The following NCKAP5 variants were observed in gnomAD, a reference collection of about 807,000 sequenced individuals.
The protein encoded by NCKAP5 is NCK associated protein 5, also known as nck-associated protein 5.
A neutral mutation model predicts 167.0 loss-of-function variants in NCKAP5; 92 were observed. The observed-to-expected ratio is 0.55, with a 90% CI of 0.47 to 0.66. The LOEUF (loss-of-function observed/expected upper bound fraction) is 0.66. Ranked by LOEUF, NCKAP5 falls within the 30% of genes least tolerant of loss-of-function variation. NCKAP5 has a pLI of 0.00. For synonymous variants in NCKAP5, 891 were observed against 877.4 expected, an observed-to-expected ratio of 1.02 and a Z score of -0.27; for missense variants, 2,378 against 2,315.0, an observed-to-expected ratio of 1.03 and a Z score of -0.56.
intron 6 of NCKAP5, among the ~76,000 whole-genome samples, chr2:133,073,981 C>T (rs2080510282): frequency 6.6e-6 from 1 of 152,164 alleles, no homozygotes; most frequent in Admixed American, 6.5e-5. Flanking sequence ...CCAATGAGAG[C>T]TCATGAGCTT....
At chr2:132,877,490 G>T (rs915002417) in intron 9 of NCKAP5, among the ~76,000 whole-genome samples, 3 of 152,124 alleles carry the variant, frequency 2.0e-5, no homozygotes, top group Non-Finnish European at 4.4e-5. Flanking sequence ...CACATAGGTC[G>T]CTGAGCCCTA....
At chr2:133,643,743 C>A in the NCKAP5 span, among the ~76,000 whole-genome samples, 2 of 152,150 alleles carry the variant, frequency 1.3e-5, no homozygotes, top group African/African-American at 4.8e-5. Flanking sequence ...TGACCTGAAC[C>A]AGTCTTTCTA....
intron 3 of NCKAP5, among the ~76,000 whole-genome samples, chr2:133,493,660 C>G (rs1322564801): frequency 2.0e-5 from 3 of 152,180 alleles, no homozygotes; most frequent in African/African-American, 7.2e-5. Flanking sequence ...TTTTATATCA[C>G]AGTTGCAAAG....
intron 8 of NCKAP5, among the ~76,000 whole-genome samples, chr2:132,920,696 T>TAA (rs1695266140): frequency 9.9e-6 from 1 of 100,998 alleles, no homozygotes; most frequent in African/African-American, 4.3e-5. Context: ...TTTATATATA[T>TAA]ATATACGTAT....
At chr2:132,940,204 A>G (rs1697189062) in intron 8 of NCKAP5, among the ~76,000 whole-genome samples, 1 of 152,166 alleles carries the variant, frequency 6.6e-6, no homozygotes, top group Non-Finnish European at 1.5e-5. Context: ...TGCAAGTTGC[A>G]GCAAAAGACA....
intron 11 of NCKAP5, among the ~76,000 whole-genome samples, chr2:132,824,663 C>A (rs1686998436): frequency 6.6e-6 from 1 of 152,060 alleles, no homozygotes; most frequent in Admixed American, 6.6e-5. Flanking sequence ...GCTTCCTGAC[C>A]CCTCTGTGGT....
At chr2:133,116,102 T>C (rs975162125) in intron 6 of NCKAP5, among the ~76,000 whole-genome samples, 10 of 151,932 alleles carry the variant, frequency 6.6e-5, no homozygotes, top group African/African-American at 2.4e-4. Context: ...AAAGGGCATA[T>C]TGATATTTGA....
Position 132,730,264 on chromosome 2 carries a change from C to A in NCKAP5, c.5444-1312G>T, listed in dbSNP as rs1425606571. On this transcript the variant is annotated intron_variant, in intron 17 of 19. Coordinates refer to ENST00000409261, the MANE Select transcript of NCKAP5 (RefSeq NM_207363.3). ...ATCCCAGCACTTTGGGAGGCCAAGG[C>A]AGGCGGATCACCTGAGGTCAGGAGT... Among the ~76,000 whole-genome samples the A allele has an allele frequency of 2.6e-5, 4 of 152,182 alleles. No homozygotes were observed. In the East Asian group the frequency reaches 5.8e-4, roughly 22 times the overall value.
intron 3 of NCKAP5, among the ~76,000 whole-genome samples, chr2:133,308,865 C>T (rs1194065918): frequency 2.0e-5 from 3 of 149,252 alleles, no homozygotes; most frequent in South Asian, 2.1e-4. Context: ...CGCCCGCCAC[C>T]GCGCCCGGCT....
intron 19 of NCKAP5, among the ~76,000 whole-genome samples, chr2:132,688,625 A>C (rs1311971853): frequency 6.6e-6 from 1 of 152,150 alleles, no homozygotes; most frequent in Non-Finnish European, 1.5e-5. Context: ...GTTGGGCAGC[A>C]GCAGATGTTT....
At chr2:133,628,444 A>C in the NCKAP5 span, among the ~76,000 whole-genome samples, 1 of 152,216 alleles carries the variant, frequency 6.6e-6, no homozygotes, top group African/African-American at 2.4e-5. Context: ...AAGGGAAGTG[A>C]AGGACCTCTT....
At chr2:133,342,814 T>C (rs768597812) in intron 3 of NCKAP5, among the ~76,000 whole-genome samples, 5 of 152,206 alleles carry the variant, frequency 3.3e-5, no homozygotes, top group Admixed American at 6.5e-5. Context: ...AAGGGACTTC[T>C]TGACAGATTT....
At chr2:133,494,947 T>C (rs997025063) in intron 3 of NCKAP5, among the ~76,000 whole-genome samples, 1 of 152,164 alleles carries the variant, frequency 6.6e-6, no homozygotes. Context: ...TAAGGTATGA[T>C]AAGAGCTCTG....
chr2:132,832,061 C>A (rs533848894), intron 11 of NCKAP5, among the ~76,000 whole-genome samples: 80 of 152,138 alleles, frequency 5.3e-4, no homozygotes, highest in African/African-American at 1.8e-3. Context: ...TTGGTTGTAG[C>A]TTTATAATTT....
At chr2:133,618,708 G>C in the NCKAP5 span, among the ~76,000 whole-genome samples, 1 of 151,846 alleles carries the variant, frequency 6.6e-6, no homozygotes, top group Non-Finnish European at 1.5e-5. Flanking sequence ...CTGTTGGTGG[G>C]ACTGTAAACT....
chr2:133,008,371 A>G (rs1006571286), intron 6 of NCKAP5, among the ~76,000 whole-genome samples: 1 of 152,106 alleles, frequency 6.6e-6, no homozygotes, highest in Middle Eastern at 3.2e-3. Flanking sequence ...ATCTTCAGAC[A>G]GACACCTTCA....
chr2:132,916,249 T>C (rs1320995268), intron 8 of NCKAP5, among the ~76,000 whole-genome samples: 1 of 152,002 alleles, frequency 6.6e-6, no homozygotes, highest in African/African-American at 2.4e-5. Flanking sequence ...GGTTAAGAAC[T>C]TCCCTAGGCA....
intron 16 of NCKAP5, among the ~76,000 whole-genome samples, chr2:132,759,026 C>A (rs17397380): frequency 0.2 from 30,040 of 152,060 alleles, 3,498 homozygotes; most frequent in Non-Finnish European, 0.27. Flanking sequence ...TCATGTTATT[C>A]ATTAATTTGC....
intron 8 of NCKAP5, among the ~76,000 whole-genome samples, chr2:132,918,233 C>T (rs922055923): frequency 1.3e-5 from 2 of 152,182 alleles, no homozygotes; most frequent in African/African-American, 4.8e-5. Context: ...GTACCATTTT[C>T]TTCCTGATGT....
Sources: gnomAD v4.1 joint callset for allele counts (sites outside exome capture counted in the v4.1 genomes callset) on GRCh38, gnomAD v4.1.1 for gene constraint, MANE v1.5 for transcripts, NCBI Gene and HGNC (gene_info 2026-07-23, HGNC 2026-07-21) for gene names.